ABI1: variants seen among roughly 807,000 people sequenced by gnomAD.
ABI1 encodes the protein Abelson interactor 1.
ABI1 carries 14 observed loss-of-function variants against 54.6 expected under a neutral mutation model. The observed-to-expected ratio is 0.26, with a 90% CI of 0.17 to 0.40. The LOEUF is 0.40. Ranked by LOEUF, ABI1 falls within the 10% of genes least tolerant of loss-of-function variation. ABI1 has a pLI of 1.00. For missense variants in ABI1, 443 were observed against 598.3 expected, an observed-to-expected ratio of 0.74 and a Z score of 2.71; for synonymous variants, 194 against 209.3, an observed-to-expected ratio of 0.93 and a Z score of 0.63.
chr10:26,854,859 T>C (rs2050687151), intron 1 of ABI1, among the ~76,000 whole-genome samples: 1 of 152,106 alleles, frequency 6.6e-6, no homozygotes, highest in African/African-American at 2.4e-5. Context: ...TTAGCACAAT[T>C]GCAACACAGA....
chr10:26,792,698 T>C (rs1298585248), intron 2 of ABI1, among the ~76,000 whole-genome samples: 1 of 152,174 alleles, frequency 6.6e-6, no homozygotes, highest in East Asian at 1.9e-4. Context: ...AAAGGAAACA[T>C]TAAAATATTC....
intron 9 of ABI1, among the ~76,000 whole-genome samples, chr10:26,753,200 A>G (rs963305881): frequency 1.3e-5 from 2 of 152,182 alleles, no homozygotes; most frequent in Non-Finnish European, 2.9e-5. Flanking sequence ...AACAAACCCT[A>G]TATGGTAATG....
intron 2 of ABI1, among the ~76,000 whole-genome samples, chr10:26,816,611 A>T (rs1178547089): frequency 1.3e-5 from 2 of 152,236 alleles, no homozygotes; most frequent in African/African-American, 4.8e-5. Flanking sequence ...GGTAGCAAGC[A>T]CTATTCAAAC....
chr10:26,842,472 T>C (rs538088566), intron 1 of ABI1, among the ~76,000 whole-genome samples: 14 of 151,752 alleles, frequency 9.2e-5, no homozygotes, highest in Non-Finnish European at 1.9e-4. Flanking sequence ...CCTAAGCTTT[T>C]AGTGTGGAAT....
At chr10:26,858,036 C>A (rs781666034) in intron 1 of ABI1, among the ~76,000 whole-genome samples, 2 of 152,146 alleles carry the variant, frequency 1.3e-5, no homozygotes, top group Non-Finnish European at 2.9e-5. Flanking sequence ...CTTAGCTAAA[C>A]TGGACTGCAC....
chr10:26,755,013 T>C (rs898421672), intron 9 of ABI1, among the ~76,000 whole-genome samples: 3 of 152,206 alleles, frequency 2.0e-5, no homozygotes, highest in African/African-American at 4.8e-5. Context: ...GATTTTCATA[T>C]TCAGGAACAA....
In ABI1 at chr10:26,768,845, G is replaced by A. The variant is rs776466012; in HGVS notation, c.719+7C>T. The stretch of plus-strand genomic sequence containing the variant: ...GAGATGTTGAGATACTCAACCTAAA[G>A]GCTTACCTGTGTGTCCTTGGTCTCT... On this transcript the variant is annotated splice_region_variant and intron_variant, in intron 6 of 10. Coordinates refer to ENST00000376140, the MANE Select transcript of ABI1 (RefSeq NM_001012750.3). 6.2e-7 allele frequency: 1 copy of A among 1,610,108 alleles called. No homozygotes were observed. The highest frequency in any genetic ancestry group is 1.1e-5 in the South Asian group (1 of 90,578).
intron 10 of ABI1, among the ~76,000 whole-genome samples, chr10:26,751,090 ATT>A (rs10716457): frequency 6.6e-6 from 1 of 151,874 alleles, no homozygotes; most frequent in Non-Finnish European, 1.5e-5. Context: ...TTCAACTTGT[ATT>A]TTTTTTACTT....
intron 1 of ABI1, among the ~76,000 whole-genome samples, 187 bp from the exon 2 acceptor site, chr10:26,823,492 G>C (rs570517074): frequency 2.0e-5 from 3 of 152,118 alleles, no homozygotes; most frequent in African/African-American, 7.2e-5. Context: ...GTGCCAGCTG[G>C]GAACCACTCT....
rs137966925 is a variant in ABI1 at position 26,847,887 on chromosome 10, G to A, written c.117+12860C>T. 1.3e-3 allele frequency among the ~76,000 whole-genome samples: 199 copies of A among 151,866 alleles called. 1 individual carries two copies. Among genetic ancestry groups the A allele is most frequent in the African/African-American group, 4.5e-3 (185 of 41,424 alleles). On this transcript the variant is annotated intron_variant, in intron 1 of 10. Coordinates refer to ENST00000376140, the MANE Select transcript of ABI1 (RefSeq NM_001012750.3). Reference sequence around the variant, plus strand: ...TTATTCTTATTTTTTAAGATGTTGGGCCAGACCTGGTGGCTCACACCTGGG... The same window carrying A: ...TTATTCTTATTTTTTAAGATGTTGGACCAGACCTGGTGGCTCACACCTGGG...
At chr10:26,858,708 G>A (rs2051057523) in intron 1 of ABI1, among the ~76,000 whole-genome samples, 1 of 151,990 alleles carries the variant, frequency 6.6e-6, no homozygotes, top group South Asian at 2.1e-4. Context: ...GTAGCAAGAG[G>A]AGTAAAGGAA....
In ABI1 at chr10:26,823,839, TAACTCAGAAGGCAAG is replaced by T. The variant is rs2048139368; in HGVS notation, c.118-549_118-535del. The stretch of plus-strand genomic sequence containing the variant: ...CCCCTTCTTCCCAAACTCCTATAGA[TAACTCAGAAGGCAAG>T]AACTCCTCAAAGAGGAGCAAGGTTA... On this transcript the variant is annotated intron_variant, in intron 1 of 10. Coordinates refer to ENST00000376140, the MANE Select transcript of ABI1 (RefSeq NM_001012750.3). Among the ~76,000 whole-genome samples the T allele has an allele frequency of 2.6e-5, 4 of 151,986 alleles. No homozygotes were observed. In the South Asian group the frequency reaches 8.3e-4, roughly 31 times the overall value.
At chr10:26,804,766 A>G (rs1312944818) in intron 2 of ABI1, among the ~76,000 whole-genome samples, 4 of 152,214 alleles carry the variant, frequency 2.6e-5, no homozygotes, top group Non-Finnish European at 5.9e-5. Flanking sequence ...GTGACAGAAC[A>G]TGGCTTCAAA....
chr10:26,752,020 G>C (rs1837697900), intron 9 of ABI1, among the ~76,000 whole-genome samples: 1 of 152,194 alleles, frequency 6.6e-6, no homozygotes, highest in Admixed American at 6.5e-5. Context: ...TGAATGCAGG[G>C]TGTTAGGAGA....
At chr10:26,835,926 CATTTTTTGT>C in intron 1 of ABI1, among the ~76,000 whole-genome samples, 1 of 151,376 alleles carries the variant, frequency 6.6e-6, no homozygotes, top group East Asian at 2.0e-4. Flanking sequence ...ACTTTTTTTG[CATTTTTTGT>C]AAAGTTGGGG....
chr10:26,763,582 T>C (rs1259835274), intron 7 of ABI1, among the ~76,000 whole-genome samples: 22 of 151,964 alleles, frequency 1.4e-4, no homozygotes, highest in Non-Finnish European at 4.4e-5. Flanking sequence ...TAAGTTTCAC[T>C]TGTGCGGGGC....
rs567202664 is a variant in ABI1, at chr10:26,746,705, A to G, written c.*1865T>C. 13 of 515,784 alleles carry G rather than the reference A, an allele frequency of 2.5e-5. No individual in the cohort carries two copies. The highest frequency in any genetic ancestry group is 2.3e-4 in the African/African-American group (12 of 52,542). The allele number at this position is 515,784 out of a possible 1,614,324, so 32.0% of individuals were successfully genotyped here. ...ATTCTAGTCCTATAAATTATAATCA[A>G]GGTATCTTGATGGTTATATGTGGTA... On this transcript the variant is annotated 3_prime_UTR_variant, in exon 11 of 11. Transcript: ENST00000376140.
chr10:26,860,831 C>A lies in ABI1; in HGVS notation c.33G>T (p.Glu11Asp), dbSNP rs2051253714. 6.2e-7 allele frequency: 1 copy of A among 1,614,080 alleles called. No individual in the cohort carries two copies. The highest frequency in any genetic ancestry group is 1.7e-5 in the Admixed American group (1 of 60,012). Residue 11 changes from glutamate to aspartate, a missense_variant, in exon 1 of 11, where the codon GAG (glutamate) becomes GAT (aspartate). By Grantham distance (45) the Glu-to-Asp change is conservative. This residue lies in a region of ABI1 where 394 missense variants were observed against 484.8 expected (regional missense o/e 0.81). Transcript: ENST00000376140. This position sits in a 1 kb window ranked among gnomAD's most constrained non-coding sequence, Gnocchi z 4.1. ...TCAGCGCCCTCTTGCCAGACGGGATCTCCTCCTCTAGTAACATCTGCAGCT... is the reference window on the plus strand; with the variant it reads ...TCAGCGCCCTCTTGCCAGACGGGATATCCTCCTCTAGTAACATCTGCAGCT... MAELQMLLEEEIPSGKRALIE... is the reference protein window; with the variant it reads MAELQMLLEEDIPSGKRALIE...
intron 2 of ABI1, among the ~76,000 whole-genome samples, chr10:26,781,660 A>G (rs369444597): frequency 6.6e-6 from 1 of 152,210 alleles, no homozygotes; most frequent in Non-Finnish European, 1.5e-5. Context: ...CTATCAGGCT[A>G]TTACCAACTG....
Sources: gnomAD v4.1 joint callset for allele counts (sites outside exome capture counted in the v4.1 genomes callset) on GRCh38, gnomAD v4.1.1 for gene constraint, gnomAD v4.1.1 regional missense constraint, Gnocchi (gnomAD v3.1) non-coding constraint, MANE v1.5 for transcripts, NCBI Gene and HGNC (gene_info 2026-07-23, HGNC 2026-07-21) for gene names.